TLN2: variants seen among roughly 807,000 people sequenced by gnomAD.
TLN2 encodes the protein talin-2.
A neutral mutation model predicts 294.7 loss-of-function variants in TLN2; 118 were observed. The ratio of observed to expected loss-of-function variants is 0.40; its 90% CI spans 0.34 to 0.47. TLN2 has a LOEUF of 0.47. TLN2 is among the 20% of genes least tolerant of loss of function. The pLI, the probability that TLN2 is intolerant of heterozygous loss-of-function variation, is 0.84. For missense variants in TLN2, 3,083 were observed against 3,282.2 expected (o/e 0.94, Z 1.48); for synonymous variants, 1,431 against 1,304.5 (o/e 1.10, Z -2.09).
At chr15:62,450,376 C>T (rs535046232) in intron 1 of TLN2, among the ~76,000 whole-genome samples, 1 of 152,106 alleles carries the variant, frequency 6.6e-6, no homozygotes, top group African/African-American at 2.4e-5. Flanking sequence ...TTAGTTAACT[C>T]GGGCACGAGT....
At chr15:62,708,475 C>G (rs1473524199) in intron 20 of TLN2, 27 bp from the exon 21 acceptor site, 4 of 1,605,536 alleles carry the variant, frequency 2.5e-6, no homozygotes, top group Non-Finnish European at 3.4e-6. Context: ...ACCACAGTGC[C>G]CAAAACCTGT....
chr15:62,390,956 G>A, intron 1 of TLN2, among the ~76,000 whole-genome samples: 2 of 152,242 alleles, frequency 1.3e-5, no homozygotes, highest in East Asian at 3.8e-4. Flanking sequence ...CCGGACCCGG[G>A]CGCAGCGGTT....
At chr15:62,802,137 G>T (rs2065968421) in intron 50 of TLN2, among the ~76,000 whole-genome samples, 1 of 148,774 alleles carries the variant, frequency 6.7e-6, no homozygotes, top group African/African-American at 2.5e-5. Flanking sequence ...CTTAGCCTCT[G>T]GCAACGATCC....
intron 12 of TLN2, among the ~76,000 whole-genome samples, chr15:62,690,973 A>G (rs531148857): frequency 4.8e-5 from 7 of 146,108 alleles, no homozygotes; most frequent in African/African-American, 1.8e-4. Context: ...AGTACAGTCC[A>G]GCTTCGGCTC....
chr15:62,838,401 C>CAGAGGGAGAGGGTATGGGTAGAGCT (rs2070066519), intron 57 of TLN2, among the ~76,000 whole-genome samples: 1 of 152,152 alleles, frequency 6.6e-6, no homozygotes, highest in Non-Finnish European at 1.5e-5. Flanking sequence ...TCCAGGCACA[C>CAGAGGGAGAGGGTATGGGTAGAGCT]AGAGGGAGAG....
intron 3 of TLN2, among the ~76,000 whole-genome samples, chr15:62,632,887 T>C (rs182552270): frequency 1.4e-3 from 210 of 152,316 alleles, no homozygotes; most frequent in Non-Finnish European, 4.9e-4. Context: ...CACCATTTGG[T>C]TTCATCTGTA....
intron 54 of TLN2, among the ~76,000 whole-genome samples, chr15:62,821,561 T>G (rs920370741): frequency 5.3e-5 from 8 of 152,204 alleles, no homozygotes; most frequent in African/African-American, 1.9e-4. Context: ...GTGTAGTGTA[T>G]GAAATAAACA....
chr15:62,763,842 A>ATC, intron 40 of TLN2, 147 bp downstream of exon 40: 1 of 1,281,820 alleles, frequency 7.8e-7, no homozygotes, highest in Non-Finnish European at 1.0e-6. Context: ...TGTGGAGCCA[A>ATC]TCTGGGAACT....
intron 12 of TLN2, 47 bp downstream of exon 12, chr15:62,686,843 G>GAT: frequency 6.2e-7 from 1 of 1,602,580 alleles, no homozygotes; most frequent in Non-Finnish European, 8.5e-7. Context: ...GGCCTTGAGT[G>GAT]ATATTGTGGG....
chr15:62,549,329 G>T (rs1353952945), intron 1 of TLN2, among the ~76,000 whole-genome samples: 1 of 152,136 alleles, frequency 6.6e-6, no homozygotes, highest in Non-Finnish European at 1.5e-5. Flanking sequence ...TTGAGACAGG[G>T]TTTCACTTTA....
chr15:62,675,098 C>T (rs1596636569), intron 10 of TLN2, 119 bp from the exon 11 acceptor site: 2 of 887,484 alleles, frequency 2.3e-6, no homozygotes, highest in Non-Finnish European at 1.8e-6. Context: ...TCAGACACAA[C>T]CATCACTTAA....
intron 1 of TLN2, among the ~76,000 whole-genome samples, chr15:62,564,857 G>A (rs1237552065): frequency 6.9e-6 from 1 of 144,834 alleles, no homozygotes; most frequent in Non-Finnish European, 1.5e-5. Flanking sequence ...GAAGTGAGCC[G>A]AGATTGCACC....
At chr15:62,820,400 A>C in intron 53 of TLN2, 86 bp from the exon 54 acceptor site, 1 of 1,466,378 alleles carries the variant, frequency 6.8e-7, no homozygotes. Context: ...GCCTTCATGC[A>C]TGCAAATCCA....
chr15:62,798,349 T>A (rs2065674000), intron 48 of TLN2, among the ~76,000 whole-genome samples: 1 of 152,126 alleles, frequency 6.6e-6, no homozygotes, highest in Non-Finnish European at 1.5e-5. Flanking sequence ...TTGGTCCCCT[T>A]CCCAGACCAT....
chr15:62,547,072 C>T (rs2042035306), intron 1 of TLN2, among the ~76,000 whole-genome samples: 1 of 152,178 alleles, frequency 6.6e-6, no homozygotes, highest in South Asian at 2.1e-4. Context: ...AAAGAAACTG[C>T]TATTCCTTAT....
intron 1 of TLN2, among the ~76,000 whole-genome samples, chr15:62,562,924 A>T (rs2043085820): frequency 8.2e-6 from 1 of 122,306 alleles, no homozygotes; most frequent in African/African-American, 3.2e-5. Flanking sequence ...ACACACACAC[A>T]CACACACACA....
chr15:62,673,294 A>G (rs1032721195), intron 9 of TLN2, among the ~76,000 whole-genome samples: 2 of 93,086 alleles, frequency 2.1e-5, no homozygotes, highest in African/African-American at 7.2e-5. Context: ...AGTTTGCTTT[A>G]GATTTTTAGA....
Position 62,815,065 on chromosome 15 carries a change from G to A in TLN2, c.6772-4451G>A, listed in dbSNP as rs540710734. Reference sequence around the variant, plus strand: ...AATCTAGAGAAGACATCAGAATTTTGTTGAAATTCTTTTTGGGGTAGAAGA... The same window carrying A: ...AATCTAGAGAAGACATCAGAATTTTATTGAAATTCTTTTTGGGGTAGAAGA... On this transcript the variant is annotated intron_variant, in intron 52 of 58. Transcript: ENST00000636159. Among the ~76,000 whole-genome samples the A allele has an allele frequency of 1.4e-3, 218 of 152,208 alleles. 1 individual carries two copies. The highest frequency in any genetic ancestry group is 2.6e-3 in the Non-Finnish European group (179 of 67,994).
intron 12 of TLN2, among the ~76,000 whole-genome samples, chr15:62,691,323 A>C (rs1016966806): frequency 2.0e-5 from 3 of 151,868 alleles, no homozygotes; most frequent in African/African-American, 7.3e-5. Flanking sequence ...AATTCTGTTG[A>C]TCTATTTTCA....
Sources: allele counts gnomAD v4.1 joint callset (sites outside exome capture counted in the v4.1 genomes callset), GRCh38; gene constraint gnomAD v4.1.1; transcripts MANE v1.5; gene names NCBI Gene and HGNC (gene_info 2026-07-23, HGNC 2026-07-21).